ACACB: variants seen among roughly 807,000 people sequenced by gnomAD.
ACACB encodes the protein acetyl-CoA carboxylase 2.
Under a neutral mutation model 278.8 loss-of-function variants are expected in ACACB, and 209 were observed. The observed-to-expected ratio is 0.75, with a 90% CI of 0.67 to 0.84. The LOEUF (loss-of-function observed/expected upper bound fraction) is 0.84, where lower values mean the gene tolerates loss of function less well. ACACB is among the 40% of genes least tolerant of loss of function. The pLI, the probability that ACACB is intolerant of heterozygous loss-of-function variation, is 0.00. For synonymous variants in ACACB, 1,174 were observed against 1,285.6 expected, an observed-to-expected ratio of 0.91 and a Z score of 1.86; for missense variants, 2,850 against 3,269.0, an observed-to-expected ratio of 0.87 and a Z score of 3.13.
chr12:109,158,268 T>A (rs554175898), intron 2 of ACACB, among the ~76,000 whole-genome samples: 4 of 152,314 alleles, frequency 2.6e-5, no homozygotes, highest in African/African-American at 9.6e-5. Flanking sequence ...AGTTATGTAA[T>A]TGAACAGGCC....
chr12:109,229,833 T>A (rs376659223), intron 28 of ACACB, among the ~76,000 whole-genome samples: 1 of 152,278 alleles, frequency 6.6e-6, no homozygotes, highest in East Asian at 1.9e-4. Context: ...CTGGCTCACC[T>A]AAAAATATCT....
intron 13 of ACACB, among the ~76,000 whole-genome samples, chr12:109,189,732 G>T (rs908263470): frequency 6.6e-6 from 1 of 152,050 alleles, no homozygotes; most frequent in African/African-American, 2.4e-5. Flanking sequence ...GACCTTACTG[G>T]GTCTTCATTT....
At position 109,265,103 on chromosome 12, in the gene ACACB, T is replaced by C. The variant is rs777227922; in HGVS notation, c.6943-7T>C. 2.5e-6 allele frequency: 4 copies of C among 1,602,714 alleles called. No individual in the cohort carries two copies. The highest frequency in any genetic ancestry group is 2.6e-6 in the Non-Finnish European group (3 of 1,174,090). On this transcript the variant is annotated splice_polypyrimidine_tract_variant and splice_region_variant and intron_variant, in intron 50 of 52. Coordinates refer to ENST00000338432, the MANE Select transcript of ACACB (RefSeq NM_001093.4). ...TTTCCGGGGATTCAAGCCTGGCTCG[T>C]CCACAGGACATCCTGGAGTGGAAGA...
At chr12:109,219,555 G>A (rs908871898) in intron 24 of ACACB, among the ~76,000 whole-genome samples, 8 of 152,146 alleles carry the variant, frequency 5.3e-5, no homozygotes, top group African/African-American at 1.7e-4. Context: ...TTGGTTTAAT[G>A]TTCAGTTTCT....
intron 28 of ACACB, among the ~76,000 whole-genome samples, chr12:109,231,738 G>T (rs1013270141): frequency 3.9e-5 from 6 of 152,172 alleles, no homozygotes; most frequent in Non-Finnish European, 7.3e-5. Flanking sequence ...GTGCTGCCAG[G>T]GTCCTCTCCC....
At chr12:109,122,412 A>G (rs1167961408) in intron 1 of ACACB, among the ~76,000 whole-genome samples, 1 of 151,924 alleles carries the variant, frequency 6.6e-6, no homozygotes, top group Non-Finnish European at 1.5e-5. Flanking sequence ...TGTCTGTATA[A>G]AATATAAAAA....
chr12:109,246,240 T>C lies in ACACB; in HGVS notation c.5363T>C (p.Val1788Ala), dbSNP rs746289601. The change falls in exon 39 of 53, where the codon GTG (valine) becomes GCG (alanine). Residue 1788 changes from valine to alanine, a missense_variant. Transcript: ENST00000338432. ...CAGGAGTACCCGGAAGGACGGGATGTGATCGTCATCGGCAATGACATCACC... is the reference window on the plus strand; with the variant it reads ...CAGGAGTACCCGGAAGGACGGGATGCGATCGTCATCGGCAATGACATCACC... The part of the protein sequence containing the change: ...KTQEYPEGRD[V>A]IVIGNDITFR... The C allele has an allele frequency of 5.6e-6, 9 of 1,613,836 alleles. No homozygotes were observed. The highest frequency in any genetic ancestry group is 6.8e-6 in the Non-Finnish European group (8 of 1,179,978).
chr12:109,240,159 C>T (rs915384865), intron 35 of ACACB, among the ~76,000 whole-genome samples, 174 bp downstream of exon 35: 1 of 152,184 alleles, frequency 6.6e-6, no homozygotes, highest in African/African-American at 2.4e-5. Flanking sequence ...AATTCTAGAG[C>T]TATGTTTTAG....
intron 47 of ACACB, 75 bp from the exon 48 acceptor site, chr12:109,260,405 C>G: frequency 2.5e-6 from 4 of 1,579,134 alleles, no homozygotes; most frequent in Non-Finnish European, 3.5e-6. Context: ...CCAGGACCCC[C>G]AGGACAACTA....
rs572252719 is a variant in ACACB at position 109,252,013 on chromosome 12, C to G, written c.5791-33C>G. Reference sequence around the variant, plus strand: ...TGTGGGGGGTGGGTCCCTCGCCACTCTCCAGAATTCAGAGGGGGTCCTCTC... The same window carrying G: ...TGTGGGGGGTGGGTCCCTCGCCACTGTCCAGAATTCAGAGGGGGTCCTCTC... On this transcript the variant is annotated intron_variant, in intron 41 of 52. Transcript: ENST00000338432. 10 of 1,551,526 alleles carry G rather than the reference C, an allele frequency of 6.4e-6. No homozygotes were observed. The East Asian group carries it at 2.3e-4, about 36-fold the overall frequency.
intron 43 of ACACB, 36 bp from the exon 44 acceptor site, chr12:109,254,178 C>T: frequency 6.2e-7 from 1 of 1,612,320 alleles, no homozygotes; most frequent in African/African-American, 1.3e-5. Context: ...TGACAAGCAC[C>T]ACAGACTAAG....
intron 45 of ACACB, 71 bp from the exon 46 acceptor site, chr12:109,258,197 C>T (rs2136812472): frequency 8.5e-7 from 1 of 1,181,900 alleles, no homozygotes; most frequent in South Asian, 1.4e-5. Flanking sequence ...GCCCTCACCC[C>T]CACACCCAGA....
intron 2 of ACACB, among the ~76,000 whole-genome samples, chr12:109,145,958 A>G (rs917751641): frequency 4.6e-5 from 7 of 152,152 alleles, no homozygotes; most frequent in Non-Finnish European, 1.0e-4. Flanking sequence ...GCAGTGAGCC[A>G]AGACCACGCC....
At chr12:109,178,866 G>C (rs1221234925) in intron 9 of ACACB, among the ~76,000 whole-genome samples, 1 of 152,088 alleles carries the variant, frequency 6.6e-6, no homozygotes, top group African/African-American at 2.4e-5. Flanking sequence ...TCCCCACCTG[G>C]GGCCGTCCCC....
At position 109,233,780 on chromosome 12, in the gene ACACB, A is replaced by T. The variant is rs1433364441; in HGVS notation, c.4172A>T (p.Asn1391Ile). 1 of 1,614,116 alleles carries T rather than the reference A, an allele frequency of 6.2e-7. No homozygotes were observed. The highest frequency in any genetic ancestry group is 8.5e-7 in the Non-Finnish European group (1 of 1,180,030). Residue 1391 changes from asparagine (N) to isoleucine (I), a missense_variant, in exon 30 of 53, where the codon AAC becomes ATC. By Grantham distance (149) the Asn-to-Ile change is moderately radical (BLOSUM62 -3). This residue lies in a region of ACACB where 2,265 missense variants were observed against 2,561.3 expected (regional missense o/e 0.88). Transcript: ENST00000338432. ...GATGAAGTCATCTCTTGCTTCGCCA[A>T]CGTGCCCAAAGACACCCCCCTCTTC... ...NFDEVISCFA[N>I]VPKDTPLFSE...
intron 2 of ACACB, among the ~76,000 whole-genome samples, chr12:109,150,982 CTTTT>C (rs201382181): frequency 2.3e-4 from 32 of 137,364 alleles, no homozygotes; most frequent in East Asian, 2.1e-4. Context: ...TTTTTTCTTT[CTTTT>C]TTTTTTTTTT....
intron 2 of ACACB, among the ~76,000 whole-genome samples, chr12:109,143,165 G>A (rs2043160726): frequency 6.6e-6 from 1 of 151,986 alleles, no homozygotes; most frequent in African/African-American, 2.4e-5. Flanking sequence ...ATCATCTTTA[G>A]AATGAGGAGG....
At chr12:109,239,012 G>A (rs2046718381) in intron 34 of ACACB, among the ~76,000 whole-genome samples, 1 of 152,066 alleles carries the variant, frequency 6.6e-6, no homozygotes, top group Admixed American at 6.5e-5. Flanking sequence ...TGCCTCCCGG[G>A]TTCAAGCGAT....
At chr12:109,241,913 A>C (rs1477573805) in intron 36 of ACACB, 1 of 155,992 alleles carries the variant, frequency 6.4e-6, no homozygotes, top group Non-Finnish European at 1.4e-5. Flanking sequence ...CAGCCTCCCA[A>C]GTAGCTGGGA....
Sources: gnomAD v4.1 joint callset for allele counts (sites outside exome capture counted in the v4.1 genomes callset) on GRCh38, gnomAD v4.1.1 for gene constraint, gnomAD v4.1.1 regional missense constraint, MANE v1.5 for transcripts, NCBI Gene and HGNC (gene_info 2026-07-23, HGNC 2026-07-21) for gene names.